UNC13B: variants seen among roughly 807,000 people sequenced by gnomAD.
UNC13B encodes the protein protein unc-13 homolog B.
Under a neutral mutation model 211.0 loss-of-function variants are expected in UNC13B, and 144 were observed. The ratio of observed to expected loss-of-function variants is 0.68; its 90% CI spans 0.60 to 0.78. UNC13B has a LOEUF of 0.78. Among genes scored for constraint, UNC13B ranks in the 30% least tolerant of loss-of-function variants. The pLI, the probability that UNC13B is intolerant of heterozygous loss-of-function variation, is 0.00. For synonymous variants in UNC13B, 709 were observed against 725.8 expected (o/e 0.98, Z 0.37); for missense variants, 1,777 against 2,002.0 (o/e 0.89, Z 2.14).
chr9:35,319,070 C>A (rs1830604656), intron 11 of UNC13B, among the ~76,000 whole-genome samples: 1 of 152,152 alleles, frequency 6.6e-6, no homozygotes, highest in Non-Finnish European at 1.5e-5. Context: ...TGCTTTTGCT[C>A]ATATTTTCCT....
In UNC13B at chr9:35,404,609, A is replaced by G; in HGVS notation, c.*576A>G. ...ACAAGGCTTTGAAACTGAACAAGATAACTTCTAGAAATGAACTGTACTAAT... is the reference window on the plus strand; with the variant it reads ...ACAAGGCTTTGAAACTGAACAAGATGACTTCTAGAAATGAACTGTACTAAT... On this transcript the variant is annotated 3_prime_UTR_variant, in exon 40 of 40. Coordinates refer to ENST00000635942, the MANE Select transcript of UNC13B (RefSeq NM_001371189.2). 1 of 157,718 alleles carries G rather than the reference A, an allele frequency of 6.3e-6. No homozygotes were observed. The highest frequency in any genetic ancestry group is 1.4e-5 in the Non-Finnish European group (1 of 70,952). 9.8% of individuals were successfully genotyped at this position (157,718 alleles called of 1,614,324 possible).
chr9:35,318,923 G>T (rs982378687), intron 11 of UNC13B, among the ~76,000 whole-genome samples: 3 of 152,144 alleles, frequency 2.0e-5, no homozygotes, highest in Non-Finnish European at 4.4e-5. Flanking sequence ...TGCAATCCAG[G>T]CTGATGGAGC....
At chr9:35,356,673 G>A (rs1402692268) in intron 11 of UNC13B, among the ~76,000 whole-genome samples, 1 of 152,112 alleles carries the variant, frequency 6.6e-6, no homozygotes, top group Non-Finnish European at 1.5e-5. Flanking sequence ...ATGGTTTTTA[G>A]TTTATTCATA....
intron 1 of UNC13B, among the ~76,000 whole-genome samples, chr9:35,197,003 T>C (rs1822981692): frequency 6.6e-6 from 1 of 152,124 alleles, no homozygotes; most frequent in Non-Finnish European, 1.5e-5. Context: ...GCTCCTGTGC[T>C]CAAGCATTCC....
At chr9:35,229,797 A>G (rs979234116) in intron 2 of UNC13B, among the ~76,000 whole-genome samples, 1 of 152,160 alleles carries the variant, frequency 6.6e-6, no homozygotes, top group African/African-American at 2.4e-5. Flanking sequence ...ATAAAACCAC[A>G]CCATTTTAAA....
chr9:35,345,355 G>A (rs910264916), intron 11 of UNC13B, among the ~76,000 whole-genome samples: 2 of 152,074 alleles, frequency 1.3e-5, no homozygotes, highest in African/African-American at 2.4e-5. Context: ...ATCAGTGGAC[G>A]GAAATTACTA....
intron 3 of UNC13B, among the ~76,000 whole-genome samples, chr9:35,232,176 G>GTTTTTTTTTTTTTTTTTT: frequency 1.2e-4 from 2 of 16,978 alleles, no homozygotes; most frequent in South Asian, 2.2e-3. Context: ...GTATATTGCT[G>GTTTTTTTTTTTTTTTTTT]CTTTTTTTTT....
rs745638734 is a variant in UNC13B, at chr9:35,386,301, G to T, written c.11094+8G>T. ...AGCCGCCAGTACCAGCTGGTAAGAG[G>T]TTCAGGATCAGGTGGGGCCAGCTGT... On this transcript the variant is annotated splice_region_variant and intron_variant, in intron 24 of 39. Coordinates refer to ENST00000635942, the MANE Select transcript of UNC13B (RefSeq NM_001371189.2). The T allele has an allele frequency of 1.2e-6, 2 of 1,614,014 alleles. No homozygotes were observed. The highest frequency in any genetic ancestry group is 1.7e-6 in the Non-Finnish European group (2 of 1,179,964).
intron 1 of UNC13B, among the ~76,000 whole-genome samples, chr9:35,181,108 C>CA (rs201965842): frequency 0.017 from 2,573 of 151,960 alleles, 35 homozygotes; most frequent in Non-Finnish European, 0.026. Flanking sequence ...AAAAAACAAA[C>CA]AAAAAAACAA....
chr9:35,263,758 T>C (rs1169504920), intron 7 of UNC13B, among the ~76,000 whole-genome samples: 2 of 152,040 alleles, frequency 1.3e-5, no homozygotes, highest in Non-Finnish European at 2.9e-5. Context: ...TTAAGTGAGG[T>C]CATAATCTGA....
intron 7 of UNC13B, among the ~76,000 whole-genome samples, chr9:35,278,802 C>CT (rs1018181058): frequency 6.6e-6 from 1 of 152,044 alleles, no homozygotes; most frequent in Admixed American, 6.6e-5. Context: ...TGAAAAACAG[C>CT]TTTTTTTCTG....
intron 17 of UNC13B, among the ~76,000 whole-genome samples, chr9:35,379,874 C>G (rs1306681819): frequency 6.6e-6 from 1 of 152,200 alleles, no homozygotes; most frequent in Non-Finnish European, 1.5e-5. Context: ...CAGAAAGCAA[C>G]TGTTGGAGAG....
In UNC13B at chr9:35,316,419, A is replaced by G. The variant is rs541853048; in HGVS notation, c.9414+2430A>G. ...TAATTTGACCCTTCAGGGAGAAGAT[A>G]ATGTTTTAGTAATTATTGAAAAGAT... On this transcript the variant is annotated intron_variant, in intron 11 of 39. Coordinates refer to ENST00000635942, the MANE Select transcript of UNC13B (RefSeq NM_001371189.2). Among the ~76,000 whole-genome samples the G allele has an allele frequency of 2.0e-5, 3 of 152,300 alleles. No individual in the cohort carries two copies. The South Asian group carries it at 6.2e-4, about 32-fold the overall frequency.
intron 11 of UNC13B, among the ~76,000 whole-genome samples, chr9:35,328,369 C>G (rs1436930018): frequency 6.6e-6 from 1 of 152,062 alleles, no homozygotes; most frequent in Non-Finnish European, 1.5e-5. Context: ...CCTCTCCCAC[C>G]TCTATTGACA....
At chr9:35,346,527 A>G (rs1832367826) in intron 11 of UNC13B, among the ~76,000 whole-genome samples, 1 of 152,148 alleles carries the variant, frequency 6.6e-6, no homozygotes. Context: ...CCCTGCAGTA[A>G]TTGTTAGCTT....
chr9:35,291,622 A>G (rs551628274), intron 7 of UNC13B, among the ~76,000 whole-genome samples: 1 of 152,324 alleles, frequency 6.6e-6, no homozygotes, highest in African/African-American at 2.4e-5. Context: ...TAAGGAAACA[A>G]GAGGCTGAGG....
At chr9:35,197,680 G>A (rs577394642) in intron 1 of UNC13B, among the ~76,000 whole-genome samples, 4 of 152,238 alleles carry the variant, frequency 2.6e-5, no homozygotes, top group South Asian at 4.1e-4. Flanking sequence ...CCATGGGGGC[G>A]GACTTCCCCC....
At chr9:35,392,175 A>G (rs1587760144) in intron 26 of UNC13B, among the ~76,000 whole-genome samples, 1 of 152,320 alleles carries the variant, frequency 6.6e-6, no homozygotes, top group East Asian at 1.9e-4. Flanking sequence ...TATTTAGCAT[A>G]CTGCCTGGCA....
intron 1 of UNC13B, among the ~76,000 whole-genome samples, chr9:35,165,083 G>A (rs1245334053): frequency 1.3e-5 from 2 of 152,270 alleles, no homozygotes; most frequent in Admixed American, 6.5e-5. Flanking sequence ...TGTAGGAACC[G>A]AACCATTTGA....
Sources: gnomAD v4.1 joint callset for allele counts (sites outside exome capture counted in the v4.1 genomes callset) on GRCh38, gnomAD v4.1.1 for gene constraint, MANE v1.5 for transcripts, NCBI Gene and HGNC (gene_info 2026-07-23, HGNC 2026-07-21) for gene names.